Variants in MYT1L observed in about 807,000 individuals in gnomAD.
The protein encoded by MYT1L is myelin transcription factor 1 like, also known as myelin transcription factor 1-like protein.
A neutral mutation model predicts 126.7 loss-of-function variants in MYT1L; 12 were observed. The observed-to-expected ratio is 0.09, with a 90% CI of 0.06 to 0.15. MYT1L has a LOEUF of 0.15. Among genes scored for constraint, MYT1L ranks in the 10% least tolerant of loss-of-function variants. The pLI is 1.00. For missense variants in MYT1L, 979 were observed against 1,585.2 expected, an observed-to-expected ratio of 0.62 and a Z score of 6.49; for synonymous variants, 541 against 604.2, an observed-to-expected ratio of 0.90 and a Z score of 1.53.
chr2:1,975,379 C>G (rs947337729), intron 8 of MYT1L, among the ~76,000 whole-genome samples: 2 of 149,936 alleles, frequency 1.3e-5, no homozygotes, highest in Non-Finnish European at 3.0e-5. Flanking sequence ...AAATTGTAAA[C>G]TACAATTGTG....
At chr2:2,060,279 A>G (rs1483265262) in intron 3 of MYT1L, among the ~76,000 whole-genome samples, 1 of 152,206 alleles carries the variant, frequency 6.6e-6, no homozygotes, top group Non-Finnish European at 1.5e-5. Context: ...GTACAAACTC[A>G]GTTGTAGATC....
intron 3 of MYT1L, among the ~76,000 whole-genome samples, chr2:2,156,617 C>A (rs1016914996): frequency 7.4e-4 from 113 of 152,324 alleles, no homozygotes; most frequent in Middle Eastern, 3.4e-3. Context: ...TTTGCCCTTA[C>A]CAGAGGAGAC....
chr2:2,291,446 C>T (rs537109206), intron 1 of MYT1L, among the ~76,000 whole-genome samples: 1 of 152,154 alleles, frequency 6.6e-6, no homozygotes, highest in Non-Finnish European at 1.5e-5. Flanking sequence ...TTACTCCTCG[C>T]GGAAATGGAA....
chr2:2,005,353 ATG>A (rs2149708428), intron 4 of MYT1L, among the ~76,000 whole-genome samples: 1 of 116,052 alleles, frequency 8.6e-6, no homozygotes, highest in South Asian at 2.7e-4. Context: ...CCTTTCCTGC[ATG>A]CGTTCTTTCC....
At chr2:2,282,528 T>C (rs1559544367) in intron 2 of MYT1L, among the ~76,000 whole-genome samples, 1 of 152,202 alleles carries the variant, frequency 6.6e-6, no homozygotes, top group East Asian at 1.9e-4. Flanking sequence ...ATTGTAAAGA[T>C]AATGCCCTTC....
intron 3 of MYT1L, among the ~76,000 whole-genome samples, chr2:2,113,320 T>C (rs189766614): frequency 2.1e-3 from 325 of 152,268 alleles, no homozygotes; most frequent in Middle Eastern, 6.8e-3. Context: ...CCACTAAGCC[T>C]GCTGTATGAT....
At chr2:1,821,755 G>A (rs1176463218) in intron 21 of MYT1L, among the ~76,000 whole-genome samples, 1 of 152,324 alleles carries the variant, frequency 6.6e-6, no homozygotes, top group East Asian at 1.9e-4. Flanking sequence ...GAGTGGCGGG[G>A]AGTGGAGAAG....
chr2:2,144,617 C>T (rs1478914423), intron 3 of MYT1L, among the ~76,000 whole-genome samples: 2 of 152,162 alleles, frequency 1.3e-5, no homozygotes, highest in African/African-American at 4.8e-5. Context: ...CAAAGGAAAG[C>T]TCCTTTGCAT....
rs1292114259 is a variant in MYT1L at position 1,910,933 on chromosome 2, G to A, written c.1710-586C>T. On this transcript the variant is annotated intron_variant, in intron 12 of 24. Transcript: ENST00000647738. This position sits in a 1 kb window ranked among gnomAD's most constrained non-coding sequence, Gnocchi z 4.8. ...CAAATAGTTCAGGCTTAGTCTAGACGGAGGAGACAGCAGCTGGGCTCTTTT... is the reference window on the plus strand; with the variant it reads ...CAAATAGTTCAGGCTTAGTCTAGACAGAGGAGACAGCAGCTGGGCTCTTTT... Among the ~76,000 whole-genome samples, 2 of 152,188 alleles carry A rather than the reference G, an allele frequency of 1.3e-5. No individual in the cohort carries two copies. Among genetic ancestry groups the A allele is most frequent in the Non-Finnish European group, 2.9e-5 (2 of 68,032 alleles).
At chr2:2,107,244 G>C (rs2078863754) in intron 3 of MYT1L, among the ~76,000 whole-genome samples, 1 of 152,156 alleles carries the variant, frequency 6.6e-6, no homozygotes, top group African/African-American at 2.4e-5. Context: ...CGGTGACGTC[G>C]AGCACAATCT....
At chr2:2,164,333 C>T (rs1184663511) in intron 3 of MYT1L, among the ~76,000 whole-genome samples, 1 of 151,998 alleles carries the variant, frequency 6.6e-6, no homozygotes, top group African/African-American at 2.4e-5. Flanking sequence ...TAAGTATTCC[C>T]TTGGAACTTA....
At chr2:1,930,841 G>A (rs1350347685) in intron 9 of MYT1L, among the ~76,000 whole-genome samples, 1 of 152,146 alleles carries the variant, frequency 6.6e-6, no homozygotes, top group Non-Finnish European at 1.5e-5. Context: ...CGTGTTGCAG[G>A]GGTTTGCTGT....
intron 1 of MYT1L, among the ~76,000 whole-genome samples, chr2:2,312,391 G>A (rs551020205): frequency 2.6e-5 from 4 of 152,100 alleles, no homozygotes; most frequent in South Asian, 2.1e-4. Context: ...CAGGTGGATC[G>A]CTCGAGCTCA....
intron 4 of MYT1L, among the ~76,000 whole-genome samples, chr2:2,012,418 T>G (rs1043362221): frequency 6.6e-6 from 1 of 152,204 alleles, no homozygotes; most frequent in Admixed American, 6.5e-5. Flanking sequence ...ATGGAGAAAG[T>G]TGCAGAGGCA....
At position 1,829,750 on chromosome 2, in the gene MYT1L, AATTG is replaced by A. The variant is rs1230484281; in HGVS notation, c.3080+9395_3080+9398del. 4.9e-3 allele frequency among the ~76,000 whole-genome samples: 633 copies of A among 130,004 alleles called. 38 individuals are homozygous for A. Among genetic ancestry groups the A allele is most frequent in the African/African-American group, 0.02 (571 of 28,426 alleles). The allele number at this position is 130,004 out of a possible 152,430, so 85.3% of individuals were successfully genotyped here. A position where few individuals can be genotyped will look rare whatever the true frequency, so the allele number is the denominator to read the frequency against. Reference sequence around the variant, plus strand: ...GAATTGACCTTCCCATACACCTGTGAATTGACCCTCCCATACACCTGTGAATTGA... The same window carrying A: ...GAATTGACCTTCCCATACACCTGTGAACCCTCCCATACACCTGTGAATTGA... On this transcript the variant is annotated intron_variant, in intron 21 of 24. Transcript: ENST00000647738.
intron 2 of MYT1L, among the ~76,000 whole-genome samples, chr2:2,276,757 C>A (rs958581005): frequency 6.6e-6 from 1 of 152,094 alleles, no homozygotes; most frequent in Non-Finnish European, 1.5e-5. Flanking sequence ...CTGTCCTCTC[C>A]ATTTCCCATT....
chr2:1,900,302 C>CT (rs139592482), intron 14 of MYT1L, among the ~76,000 whole-genome samples: 49 of 146,514 alleles, frequency 3.3e-4, no homozygotes, highest in South Asian at 6.5e-4. Flanking sequence ...TTCCAGGAGG[C>CT]TTTTTTTTTT....
At chr2:1,952,950 TCCTCCCTC>T (rs140257766) in intron 8 of MYT1L, among the ~76,000 whole-genome samples, 9 of 93,962 alleles carry the variant, frequency 9.6e-5, no homozygotes, top group East Asian at 3.8e-4. Flanking sequence ...CTTCCCTCCT[TCCTCCCTC>T]CCTCCCTCCC....
chr2:2,267,257 C>T (rs1201397270), intron 2 of MYT1L, among the ~76,000 whole-genome samples: 1 of 152,028 alleles, frequency 6.6e-6, no homozygotes, highest in African/African-American at 2.4e-5. Context: ...GTGGGGCAGA[C>T]TTTGGCCTCG....
Sources: gnomAD v4.1 joint callset for allele counts (sites outside exome capture counted in the v4.1 genomes callset) on GRCh38, gnomAD v4.1.1 for gene constraint, Gnocchi (gnomAD v3.1) non-coding constraint, MANE v1.5 for transcripts, NCBI Gene and HGNC (gene_info 2026-07-23, HGNC 2026-07-21) for gene names.